SOS2: variants seen among roughly 807,000 people sequenced by gnomAD.
The protein encoded by SOS2 is SOS Ras/Rho guanine nucleotide exchange factor 2.
In SOS2, 65 loss-of-function variants were observed where a neutral mutation model predicts 148.2. The ratio of observed to expected loss-of-function variants is 0.44; its 90% confidence interval spans 0.36 to 0.54. The LOEUF (loss-of-function observed/expected upper bound fraction) is 0.54. Ranked by LOEUF, SOS2 falls within the 20% of genes least tolerant of loss-of-function variation. SOS2 has a pLI of 0.00. For synonymous variants in SOS2, 539 were observed against 537.1 expected (o/e 1.00, Z -0.05); for missense variants, 1,341 against 1,590.2 (o/e 0.84, Z 2.67).
At chr14:50,177,915 G>A (rs1050313254) in intron 7 of SOS2, among the ~76,000 whole-genome samples, 2 of 151,966 alleles carry the variant, frequency 1.3e-5, no homozygotes, top group African/African-American at 2.4e-5. Context: ...ATATGTACAC[G>A]GTACACAGTG....
Position 50,159,786 on chromosome 14 carries a change from A to G in SOS2, c.1497T>C (p.Ile499=). 1.2e-6 allele frequency: 2 copies of G among 1,614,052 alleles called. No homozygotes were observed. The highest frequency in any genetic ancestry group is 1.7e-6 in the Non-Finnish European group (2 of 1,179,972). ...KEKFVMRKIQ[I]CDKEDTCEHK... ...GCTCACAAGTATCTTCTTTATCACA[A>G]ATTTGTATTTTCCTCATGACAAATT... Residue 499 remains isoleucine, a synonymous_variant, in exon 10 of 23, where the codon ATT becomes ATC. Coordinates refer to ENST00000216373, the MANE Select transcript of SOS2 (RefSeq NM_006939.4).
rs547333457 is a variant in SOS2, at chr14:50,145,299, C to T, written c.2538G>A (p.Arg846=). The T allele has an allele frequency of 6.2e-7, 1 of 1,602,570 alleles. No individual in the cohort carries two copies. The highest frequency in any genetic ancestry group is 8.5e-7 in the Non-Finnish European group (1 of 1,177,080). The part of the protein sequence containing the change: ...CIVEAENFEE[R]VAVLSRIIEI... ...CTATAATTCTACTTAGTACTGCCAC[C>T]CGTTCTTCAAAATTTTCTGCTTCCA... The change falls in exon 16 of 23, where the codon CGG becomes CGA. Residue 846 remains arginine (R), a synonymous_variant. Coordinates refer to ENST00000216373, the MANE Select transcript of SOS2 (RefSeq NM_006939.4).
Position 50,164,563 on chromosome 14 carries a change from G to A in SOS2, c.1069-2954C>T, listed in dbSNP as rs561336232. On this transcript the variant is annotated intron_variant, in intron 8 of 22. Transcript: ENST00000216373. ...TGAGAATCACTTGAACCTAGGAGGT[G>A]GAGATTGCAGTAAGCCAAGATAGCA... Among the ~76,000 whole-genome samples the A allele has an allele frequency of 1.7e-3, 265 of 151,898 alleles. 2 individuals carry two copies. The highest frequency in any genetic ancestry group is 3.0e-3 in the Non-Finnish European group (204 of 67,954).
At chr14:50,192,143 CAAAAAAAAAAAAAAAAAAA>C (rs201836422) in intron 4 of SOS2, among the ~76,000 whole-genome samples, 82,208 of 121,608 alleles carry the variant, frequency 0.68, 25,964 homozygotes, top group Middle Eastern at 0.79. Context: ...GTCCTTGTCA[CAAAAAAAAAAAAAAAAAAA>C]AAAAAAAAAA....
chr14:50,207,955 T>C (rs899958059), intron 1 of SOS2, among the ~76,000 whole-genome samples: 7 of 150,000 alleles, frequency 4.7e-5, no homozygotes, highest in Non-Finnish European at 3.0e-5. Context: ...TCCCAATATA[T>C]ATGTAAAAAA....
chr14:50,211,142 C>T (rs1886857848), intron 1 of SOS2, among the ~76,000 whole-genome samples: 1 of 152,006 alleles, frequency 6.6e-6, no homozygotes, highest in Non-Finnish European at 1.5e-5. Context: ...AAATGTAGCT[C>T]CACTGAGTTG....
chr14:50,125,181 A>G (rs1004756309), intron 21 of SOS2, among the ~76,000 whole-genome samples: 4 of 152,222 alleles, frequency 2.6e-5, no homozygotes, highest in African/African-American at 7.2e-5. Context: ...GAAGAGGAGA[A>G]GAAATAAAGA....
chr14:50,153,207 A>G (rs752367914), intron 12 of SOS2, 34 bp from the exon 13 acceptor site: 2 of 1,260,784 alleles, frequency 1.6e-6, no homozygotes, highest in East Asian at 4.6e-5. Context: ...TTTTAGTGAA[A>G]CATAAGTGTT....
chr14:50,224,128 T>TAA (rs886850720), intron 1 of SOS2, among the ~76,000 whole-genome samples: 1 of 137,316 alleles, frequency 7.3e-6, no homozygotes, highest in East Asian at 2.1e-4. Context: ...ACTAAAAATA[T>TAA]AAAAAAAAAA....
At chr14:50,223,663 G>C (rs1595038260) in intron 1 of SOS2, among the ~76,000 whole-genome samples, 1 of 151,646 alleles carries the variant, frequency 6.6e-6, no homozygotes, top group African/African-American at 2.4e-5. Context: ...AAAAAAGCGA[G>C]ACTCCATCTA....
At chr14:50,162,505 G>C (rs1885041926) in intron 8 of SOS2, among the ~76,000 whole-genome samples, 1 of 152,156 alleles carries the variant, frequency 6.6e-6, no homozygotes, top group Non-Finnish European at 1.5e-5. Context: ...TTATTCATTA[G>C]CAACTATGAA....
At chr14:50,228,386 C>G (rs1887444353) in intron 1 of SOS2, among the ~76,000 whole-genome samples, 1 of 152,038 alleles carries the variant, frequency 6.6e-6, no homozygotes. Context: ...AACCCAAAGC[C>G]TACTCTTTTA....
intron 6 of SOS2, 62 bp downstream of exon 6, chr14:50,182,401 C>T: frequency 1.4e-6 from 2 of 1,477,092 alleles, no homozygotes; most frequent in East Asian, 4.5e-5. Flanking sequence ...AGACTCATCT[C>T]TAAGTTTCTT....
At chr14:50,157,361 C>T (rs1206280082) in intron 11 of SOS2, among the ~76,000 whole-genome samples, 1 of 151,784 alleles carries the variant, frequency 6.6e-6, no homozygotes, top group Non-Finnish European at 1.5e-5. Context: ...AGAAAAGGTC[C>T]AGGGAAAAGA....
intron 5 of SOS2, among the ~76,000 whole-genome samples, chr14:50,185,942 G>C (rs949862982): frequency 3.9e-5 from 6 of 152,014 alleles, no homozygotes; most frequent in African/African-American, 1.4e-4. Context: ...TAATTTGCCC[G>C]TTATCACACA....
chr14:50,127,290 C>T (rs1283615830), intron 21 of SOS2, among the ~76,000 whole-genome samples: 1 of 152,010 alleles, frequency 6.6e-6, no homozygotes, highest in Non-Finnish European at 1.5e-5. Flanking sequence ...TACAGGCACA[C>T]GCCACTATGC....
intron 1 of SOS2, among the ~76,000 whole-genome samples, chr14:50,224,129 A>T (rs895726120): frequency 8.5e-5 from 12 of 140,612 alleles, no homozygotes; most frequent in Admixed American, 5.0e-4. Flanking sequence ...CTAAAAATAT[A>T]AAAAAAAAAA....
At chr14:50,185,658 C>T (rs1178710847) in intron 5 of SOS2, among the ~76,000 whole-genome samples, 1 of 148,878 alleles carries the variant, frequency 6.7e-6, no homozygotes, top group East Asian at 2.0e-4. Context: ...CACCATTACA[C>T]TCCAGCCTGG....
At chr14:50,142,937 T>A (rs1043963671) in intron 16 of SOS2, among the ~76,000 whole-genome samples, 1 of 152,214 alleles carries the variant, frequency 6.6e-6, no homozygotes, top group Non-Finnish European at 1.5e-5. Flanking sequence ...TGGCTGAGTT[T>A]CTAACTTGTT....
Sources: allele counts gnomAD v4.1 joint callset (sites outside exome capture counted in the v4.1 genomes callset), GRCh38; gene constraint gnomAD v4.1.1; transcripts MANE v1.5; gene names NCBI Gene and HGNC (gene_info 2026-07-23, HGNC 2026-07-21).